Variants in HOOK3 observed in about 807,000 individuals in gnomAD.
The protein encoded by HOOK3 is hook microtubule tethering protein 3.
HOOK3 carries 24 observed loss-of-function variants against 116.3 expected under a neutral mutation model. That is an observed-to-expected ratio of 0.21 (90% CI 0.15 to 0.29). The LOEUF (loss-of-function observed/expected upper bound fraction) is 0.29. Ranked by LOEUF, HOOK3 falls within the 10% of genes least tolerant of loss-of-function variation. The pLI, the probability that HOOK3 is intolerant of heterozygous loss-of-function variation, is 1.00. For missense variants in HOOK3, 632 were observed against 830.2 expected, an observed-to-expected ratio of 0.76 and a Z score of 2.93; for synonymous variants, 275 against 283.0, an observed-to-expected ratio of 0.97 and a Z score of 0.28.
chr8:43,016,744 A>T (rs1809724776), intron 21 of HOOK3, among the ~76,000 whole-genome samples: 1 of 152,274 alleles, frequency 6.6e-6, no homozygotes, highest in Admixed American at 6.5e-5. Flanking sequence ...AAGATTACCA[A>T]TAAATATTTG....
At chr8:42,939,875 T>C (rs1212842831) in intron 4 of HOOK3, among the ~76,000 whole-genome samples, 1 of 144,780 alleles carries the variant, frequency 6.9e-6, no homozygotes, top group Non-Finnish European at 1.5e-5. Context: ...TCCCCACATC[T>C]CAGACGATGG....
chr8:43,013,313 T>TC lies in HOOK3; in HGVS notation c.1945-16_1945-15insC, dbSNP rs1491413286. On this transcript the variant is annotated splice_polypyrimidine_tract_variant and intron_variant, in intron 20 of 21. Transcript: ENST00000307602. ...TATATCTTTACATATTTACATGTGC[T>TC]TTTTTTTTTTTTTAGAAAGAATATG... 1 of 2,442 alleles carries TC rather than the reference T, an allele frequency of 4.1e-4. No homozygotes were observed. Among genetic ancestry groups the TC allele is most frequent in the Non-Finnish European group, 5.2e-4 (1 of 1,910 alleles). 0.2% of individuals were successfully genotyped at this position (2,442 alleles called of 1,614,324 possible).
At chr8:42,975,809 G>A (rs914485493) in intron 13 of HOOK3, among the ~76,000 whole-genome samples, 11 of 152,142 alleles carry the variant, frequency 7.2e-5, no homozygotes, top group Non-Finnish European at 1.3e-4. Flanking sequence ...AGGTTCAAGC[G>A]ATACTCCTGC....
intron 15 of HOOK3, chr8:42,994,436 A>C (rs1247686435): frequency 2.4e-6 from 1 of 417,074 alleles, no homozygotes; most frequent in African/African-American, 2.1e-5. Flanking sequence ...TGATGTAGGT[A>C]CTTGTGCCCA....
rs140974160 is a variant in HOOK3, at chr8:42,925,581, T to G, written c.168T>G (p.Asn56Lys). The G allele has an allele frequency of 7.1e-4, 1,139 of 1,605,996 alleles. 2 individuals are homozygous for G. The highest frequency in any genetic ancestry group is 7.9e-4 in the Non-Finnish European group (934 of 1,175,486). ...GAGATCCTGCATATTTTGATGAAAATTGGCTAAACAGAATCAAAACTGAAG... is the reference window on the plus strand; with the variant it reads ...GAGATCCTGCATATTTTGATGAAAAGTGGCTAAACAGAATCAAAACTGAAG... ...QKIDPAYFDE[N>K]WLNRIKTEVG... The change falls in exon 3 of 22, where the codon AAT becomes AAG. Residue 56 changes from asparagine to lysine, a missense_variant. Asn to Lys is a moderately conservative substitution (Grantham distance 94). This residue lies in a region of HOOK3 where 141 missense variants were observed against 150.8 expected (regional missense o/e 0.93). Transcript: ENST00000307602.
rs1370955016 is a variant in HOOK3 at position 43,019,741 on chromosome 8, TATC to T, written c.*1246_*1248del. 2.0e-5 allele frequency: 4 copies of T among 204,868 alleles called. No individual in the cohort carries two copies. The highest frequency in any genetic ancestry group is 9.1e-5 in the African/African-American group (4 of 43,786). 12.7% of individuals were successfully genotyped at this position (204,868 alleles called of 1,614,324 possible). On this transcript the variant is annotated 3_prime_UTR_variant, in exon 22 of 22. Coordinates refer to ENST00000307602, the MANE Select transcript of HOOK3 (RefSeq NM_032410.4). Reference sequence around the variant, plus strand: ...TATAAGGTGCTATATAAGTGTGAAATATCATTCATTTATAAATGAAATGCCTTC... The same window carrying T: ...TATAAGGTGCTATATAAGTGTGAAATATTCATTTATAAATGAAATGCCTTC...
chr8:42,938,202 G>T (rs955637786), intron 4 of HOOK3, among the ~76,000 whole-genome samples: 2 of 147,550 alleles, frequency 1.4e-5, no homozygotes, highest in Non-Finnish European at 1.5e-5. Context: ...TCAGAGACTA[G>T]CATTGCAACC....
chr8:42,923,366 A>G (rs1410971424), intron 2 of HOOK3, among the ~76,000 whole-genome samples: 1 of 152,254 alleles, frequency 6.6e-6, no homozygotes, highest in Non-Finnish European at 1.5e-5. Flanking sequence ...CTAGTACAGC[A>G]GTGTTCAAGG....
chr8:43,015,299 G>A (rs1278012625), intron 21 of HOOK3, among the ~76,000 whole-genome samples: 1 of 151,878 alleles, frequency 6.6e-6, no homozygotes. Context: ...AAGGTGGGCG[G>A]GTCACCTGAG....
intron 2 of HOOK3, among the ~76,000 whole-genome samples, chr8:42,907,903 C>T (rs547924125): frequency 2.2e-4 from 33 of 147,828 alleles, no homozygotes; most frequent in South Asian, 6.3e-4. Flanking sequence ...GACAATGTGA[C>T]GTTACATACA....
Position 42,909,495 on chromosome 8 carries a change from A to G in HOOK3, c.143+3237A>G, listed in dbSNP as rs560053300. 2.0e-5 allele frequency among the ~76,000 whole-genome samples: 3 copies of G among 152,314 alleles called. No homozygotes were observed. The South Asian group carries it at 6.2e-4, about 32-fold the overall frequency. ...AATTGATTGATCGAGACAGGGTCTC[A>G]CTCTGTCACTCAGGCTGGAGTGCAG... On this transcript the variant is annotated intron_variant, in intron 2 of 21. Transcript: ENST00000307602.
chr8:43,004,623 G>A (rs1272272258), intron 17 of HOOK3, among the ~76,000 whole-genome samples: 8 of 147,404 alleles, frequency 5.4e-5, no homozygotes, highest in African/African-American at 2.0e-4. Context: ...AGAGGTTGCA[G>A]TGAGCCGAGG....
At chr8:42,973,230 A>G (rs1808758046) in intron 11 of HOOK3, 59 bp from the exon 12 acceptor site, 2 of 1,533,652 alleles carry the variant, frequency 1.3e-6, no homozygotes, top group Non-Finnish European at 1.8e-6. Flanking sequence ...GTAGAAGAAA[A>G]TAAGGATAAT....
At chr8:43,008,364 G>C (rs1809534567) in intron 18 of HOOK3, among the ~76,000 whole-genome samples, 1 of 151,740 alleles carries the variant, frequency 6.6e-6, no homozygotes, top group Non-Finnish European at 1.5e-5. Flanking sequence ...GCCCAGACTG[G>C]AGTAAATGGT....
At chr8:43,005,225 T>TG (rs1343786104) in intron 17 of HOOK3, among the ~76,000 whole-genome samples, 1,753 of 136,986 alleles carry the variant, frequency 0.013, 41 homozygotes, top group African/African-American at 0.046. Context: ...TTTTTTTTTT[T>TG]TTTTTTTTTT....
chr8:43,002,091 TG>T lies in HOOK3; in HGVS notation c.1621-15del. On this transcript the variant is annotated splice_polypyrimidine_tract_variant and intron_variant, in intron 16 of 21. Coordinates refer to ENST00000307602, the MANE Select transcript of HOOK3 (RefSeq NM_032410.4). ...AAAATGTGAGGTAATAAACTAATTT[TG>T]TTTTTCATTTTTAGTCAGTCCTTCT... 4 of 1,511,036 alleles carry T rather than the reference TG, an allele frequency of 2.6e-6. No homozygotes were observed. Among genetic ancestry groups the T allele is most frequent in the Non-Finnish European group, 3.7e-6 (4 of 1,087,538 alleles). 93.6% of individuals were successfully genotyped at this position (1,511,036 alleles called of 1,614,324 possible).
intron 16 of HOOK3, among the ~76,000 whole-genome samples, chr8:43,000,440 A>G (rs1809357268): frequency 6.6e-6 from 1 of 152,244 alleles, no homozygotes; most frequent in South Asian, 2.1e-4. Context: ...AAGATACTCA[A>G]AGGATATCGA....
At chr8:42,975,728 C>T (rs1004509953) in intron 13 of HOOK3, among the ~76,000 whole-genome samples, 1 of 152,124 alleles carries the variant, frequency 6.6e-6, no homozygotes, top group Non-Finnish European at 1.5e-5. Context: ...TATGTTGAGA[C>T]GGAGTCTCGC....
chr8:42,902,590 C>T (rs896444294), intron 1 of HOOK3, among the ~76,000 whole-genome samples: 1 of 151,954 alleles, frequency 6.6e-6, no homozygotes. Flanking sequence ...TATTTTCAAA[C>T]CCCCCCAGAT....
Sources: gnomAD v4.1 joint callset for allele counts (sites outside exome capture counted in the v4.1 genomes callset) on GRCh38, gnomAD v4.1.1 for gene constraint, gnomAD v4.1.1 regional missense constraint, MANE v1.5 for transcripts, NCBI Gene and HGNC (gene_info 2026-07-23, HGNC 2026-07-21) for gene names.